NOVA1: variants seen among roughly 807,000 people sequenced by gnomAD.
The protein encoded by NOVA1 is RNA-binding protein Nova-1.
A neutral mutation model predicts 38.0 loss-of-function variants in NOVA1; 7 were observed. The ratio of observed to expected loss-of-function variants is 0.18; its 90% CI spans 0.10 to 0.35. NOVA1 has a LOEUF of 0.35. Among genes scored for constraint, NOVA1 ranks in the 10% least tolerant of loss-of-function variants. NOVA1 has a pLI of 1.00. For synonymous variants in NOVA1, 270 were observed against 232.5 expected (o/e 1.16, Z -1.47); for missense variants, 460 against 616.0 (o/e 0.75, Z 2.68).
chr14:26,461,971 C>T (rs1224245813), intron 4 of NOVA1, among the ~76,000 whole-genome samples: 1 of 151,608 alleles, frequency 6.6e-6, no homozygotes, highest in Non-Finnish European at 1.5e-5. Context: ...TCCCACAAAA[C>T]TCCTAATGTA....
At chr14:26,594,362 T>C (rs376466005) in intron 2 of NOVA1, 1 of 152,160 alleles carries the variant, frequency 6.6e-6, no homozygotes, top group African/African-American at 2.4e-5. Context: ...CTTACATTCA[T>C]GCCAGATGTC....
intron 3 of NOVA1, among the ~76,000 whole-genome samples, chr14:26,472,769 GT>G (rs1394175122): frequency 6.6e-6 from 1 of 151,392 alleles, no homozygotes; most frequent in Non-Finnish European, 1.5e-5. Flanking sequence ...AACCAAAAGA[GT>G]CACTTTCCTA....
At chr14:26,510,480 G>T (rs1453257440) in intron 2 of NOVA1, among the ~76,000 whole-genome samples, 2 of 152,114 alleles carry the variant, frequency 1.3e-5, no homozygotes, top group Non-Finnish European at 2.9e-5. Flanking sequence ...CTTGATAAAG[G>T]AAACTTAAAA....
At chr14:26,480,463 G>T (rs1566461850) in intron 2 of NOVA1, among the ~76,000 whole-genome samples, 1 of 151,982 alleles carries the variant, frequency 6.6e-6, no homozygotes, top group Non-Finnish European at 1.5e-5. Flanking sequence ...TTAGAAACTG[G>T]TAACATGCCA....
intron 2 of NOVA1, among the ~76,000 whole-genome samples, chr14:26,527,886 A>G (rs896046697): frequency 6.6e-6 from 1 of 152,220 alleles, no homozygotes; most frequent in African/African-American, 2.4e-5. Flanking sequence ...TTTATGTCCC[A>G]TATCATCTTC....
At chr14:26,523,053 A>G (rs552791498) in intron 2 of NOVA1, among the ~76,000 whole-genome samples, 131 of 152,252 alleles carry the variant, frequency 8.6e-4, no homozygotes, top group Non-Finnish European at 1.7e-3. Context: ...CCTCAGTCAC[A>G]TTAGTTCTTT....
chr14:26,595,862 T>C, intron 1 of NOVA1: 1 of 347,142 alleles, frequency 2.9e-6, no homozygotes, highest in Non-Finnish European at 5.5e-6. Context: ...ATGGAAATCT[T>C]CCAATTCTAT....
chr14:26,563,251 A>G (rs1482605009), intron 2 of NOVA1, among the ~76,000 whole-genome samples: 1 of 152,020 alleles, frequency 6.6e-6, no homozygotes, highest in Non-Finnish European at 1.5e-5. Flanking sequence ...AAGCAACCTT[A>G]AGGCAAAACA....
At chr14:26,524,314 AATG>A (rs1368178840) in intron 2 of NOVA1, among the ~76,000 whole-genome samples, 1 of 152,164 alleles carries the variant, frequency 6.6e-6, no homozygotes, top group Non-Finnish European at 1.5e-5. Flanking sequence ...TAACTTCTTA[AATG>A]ATGACTGTAA....
rs779011800 is a variant in NOVA1 at position 26,595,458 on chromosome 14, C to G, written c.232G>C (p.Glu78Gln). The change falls in exon 2 of 5, where the codon GAA becomes CAA. Residue 78 changes from glutamate (E) to glutamine (Q), a missense_variant. Transcript: ENST00000539517. ...GGQTIVQLQK[E>Q]TGATIKLSKS... ...GACAGCTTGATGGTGGCTCCAGTTT[C>G]TTTTTGCAACTGAACAATTGTCTGT... 6 of 1,613,888 alleles carry G rather than the reference C, an allele frequency of 3.7e-6. No individual in the cohort carries two copies. Among genetic ancestry groups the G allele is most frequent in the East Asian group, 4.5e-5 (2 of 44,838 alleles).
chr14:26,517,934 C>T lies in NOVA1; in HGVS notation c.281-37791G>A, dbSNP rs142186225. 4.8e-4 allele frequency among the ~76,000 whole-genome samples: 73 copies of T among 152,112 alleles called. No individual in the cohort carries two copies. The Middle Eastern group carries it at 0.01, about 21-fold the overall frequency. ...AAATATACTTGTTGGAAGAAGTATA[C>T]AAAATCTGGGCTGGAAGCAGAATTG... On this transcript the variant is annotated intron_variant, in intron 2 of 4. Transcript: ENST00000539517.
intron 2 of NOVA1, among the ~76,000 whole-genome samples, chr14:26,531,556 G>A (rs576437587): frequency 1.1e-3 from 175 of 152,292 alleles, no homozygotes; most frequent in Middle Eastern, 3.4e-3. Flanking sequence ...GCCGTGAGCC[G>A]AGATCGCGCC....
intron 4 of NOVA1, among the ~76,000 whole-genome samples, chr14:26,465,980 G>T (rs142371021): frequency 2.0e-5 from 3 of 152,112 alleles, no homozygotes; most frequent in East Asian, 3.9e-4. Flanking sequence ...AGGAGTACAG[G>T]GGGGGAAGGG....
chr14:26,476,769 T>C (rs1885021040), intron 3 of NOVA1, among the ~76,000 whole-genome samples: 1 of 146,428 alleles, frequency 6.8e-6, no homozygotes, highest in Admixed American at 6.8e-5. Flanking sequence ...CAGGCTGGAG[T>C]ACAATGGCGC....
intron 2 of NOVA1, among the ~76,000 whole-genome samples, chr14:26,498,713 G>A (rs951634328): frequency 4.6e-5 from 7 of 152,064 alleles, no homozygotes; most frequent in Admixed American, 2.0e-4. Context: ...ACTTCACAAA[G>A]AGACTTATTT....
In NOVA1 at chr14:26,569,244, A is replaced by C. The variant is rs2138713499; in HGVS notation, c.280+26166T>G. ...GAGGTTTGAACATTTACAGTAAAAAAAATCCGAGAAAGGGTCAAACAGCAC... is the reference window on the plus strand; with the variant it reads ...GAGGTTTGAACATTTACAGTAAAAACAATCCGAGAAAGGGTCAAACAGCAC... On this transcript the variant is annotated intron_variant, in intron 2 of 4. Transcript: ENST00000539517. Among the ~76,000 whole-genome samples, 3 of 152,308 alleles carry C rather than the reference A, an allele frequency of 2.0e-5. No individual in the cohort carries two copies. In the South Asian group the frequency reaches 6.2e-4, roughly 32 times the overall value.
chr14:26,511,313 C>G (rs1025637016), intron 2 of NOVA1, among the ~76,000 whole-genome samples: 2 of 151,960 alleles, frequency 1.3e-5, no homozygotes, highest in African/African-American at 4.8e-5. Flanking sequence ...GTTAAATATA[C>G]TAACATAGAG....
At chr14:26,529,939 CA>C (rs1422854424) in intron 2 of NOVA1, among the ~76,000 whole-genome samples, 3 of 152,062 alleles carry the variant, frequency 2.0e-5, no homozygotes, top group South Asian at 2.1e-4. Flanking sequence ...AAAAATGGCT[CA>C]TTTTTTTTTC....
intron 2 of NOVA1, among the ~76,000 whole-genome samples, chr14:26,577,551 T>G (rs113394989): frequency 0.026 from 3,992 of 152,226 alleles, 79 homozygotes; most frequent in Non-Finnish European, 0.043. Context: ...TCTGTAACAT[T>G]TACTTTTGTT....
Sources: allele counts gnomAD v4.1 joint callset (sites outside exome capture counted in the v4.1 genomes callset), GRCh38; gene constraint gnomAD v4.1.1; transcripts MANE v1.5; gene names NCBI Gene and HGNC (gene_info 2026-07-23, HGNC 2026-07-21).